WWOX: variants seen among roughly 807,000 people sequenced by gnomAD.
The protein encoded by WWOX is WW domain-containing oxidoreductase.
WWOX carries 69 observed loss-of-function variants against 46.2 expected under a neutral mutation model. The observed-to-expected ratio is 1.49, with a 90% CI of 1.23 to 1.82. WWOX has a LOEUF of 1.82. Among genes scored for constraint, WWOX ranks in the 40% most tolerant of loss-of-function variants. WWOX has a pLI of 0.00. For synonymous variants in WWOX, 359 were observed against 202.6 expected, an observed-to-expected ratio of 1.77 and a Z score of -6.56; for missense variants, 919 against 542.6, an observed-to-expected ratio of 1.69 and a Z score of -6.89.
rs535082715 is a variant in WWOX at position 79,167,159 on chromosome 16, C to T, written c.1057-44449C>T. Among the ~76,000 whole-genome samples the T allele has an allele frequency of 3.0e-4, 46 of 152,244 alleles. No individual in the cohort carries two copies. The South Asian group carries it at 9.1e-3, about 30-fold the overall frequency. On this transcript the variant is annotated intron_variant, in intron 8 of 8. Transcript: ENST00000566780. ...GTTTTGCCATGTTGGCCAAGCTGATCTGGAACTCATGTGCTCGAGCAATCC... is the reference window on the plus strand; with the variant it reads ...GTTTTGCCATGTTGGCCAAGCTGATTTGGAACTCATGTGCTCGAGCAATCC...
At chr16:78,270,897 C>T (rs1267792206) in intron 5 of WWOX, among the ~76,000 whole-genome samples, 3 of 152,182 alleles carry the variant, frequency 2.0e-5, no homozygotes, top group Non-Finnish European at 2.9e-5. Context: ...AGGTACTTAA[C>T]TATCTGGCCC....
At chr16:78,457,295 A>G (rs923742004) in intron 8 of WWOX, among the ~76,000 whole-genome samples, 1 of 152,210 alleles carries the variant, frequency 6.6e-6, no homozygotes, top group Non-Finnish European at 1.5e-5. Context: ...ACGACTTTAA[A>G]TAAAGCAGCA....
At chr16:78,667,047 C>G (rs564139197) in intron 8 of WWOX, among the ~76,000 whole-genome samples, 1 of 152,298 alleles carries the variant, frequency 6.6e-6, no homozygotes, top group African/African-American at 2.4e-5. Flanking sequence ...AAGTCTCTTA[C>G]ATAATGGTCA....
intron 8 of WWOX, among the ~76,000 whole-genome samples, chr16:78,649,372 G>A (rs965161096): frequency 6.6e-6 from 1 of 152,026 alleles, no homozygotes; most frequent in African/African-American, 2.4e-5. Context: ...CAGCCTGTAG[G>A]TCCCGGGCTC....
At chr16:78,880,027 A>G (rs1407169695) in intron 8 of WWOX, among the ~76,000 whole-genome samples, 1 of 152,228 alleles carries the variant, frequency 6.6e-6, no homozygotes, top group African/African-American at 2.4e-5. Context: ...TATAGTCAAA[A>G]GTAGATAAAG....
intron 8 of WWOX, among the ~76,000 whole-genome samples, chr16:79,008,280 GCT>G (rs1433315427): frequency 1.3e-5 from 2 of 152,150 alleles, no homozygotes; most frequent in South Asian, 2.1e-4. Context: ...GCTCCCCCAT[GCT>G]CTGAGTCACT....
intron 8 of WWOX, among the ~76,000 whole-genome samples, chr16:78,479,618 C>T (rs1483166217): frequency 2.0e-5 from 3 of 152,140 alleles, no homozygotes; most frequent in Admixed American, 6.5e-5. Context: ...TCACTGCTCT[C>T]GTTGCCTCCA....
chr16:79,172,624 GATC>G (rs2050722371), intron 8 of WWOX, among the ~76,000 whole-genome samples: 2 of 152,156 alleles, frequency 1.3e-5, no homozygotes, highest in Admixed American at 6.6e-5. Context: ...GGAATCTGGT[GATC>G]TCACTACCAA....
At chr16:78,709,246 C>G (rs760206595) in intron 8 of WWOX, among the ~76,000 whole-genome samples, 3 of 152,186 alleles carry the variant, frequency 2.0e-5, no homozygotes, top group Admixed American at 2.0e-4. Context: ...ATGCTTTTAT[C>G]CCGTAATCTC....
intron 8 of WWOX, among the ~76,000 whole-genome samples, chr16:79,121,356 A>G (rs189965143): frequency 6.6e-6 from 1 of 152,184 alleles, no homozygotes; most frequent in African/African-American, 2.4e-5. Context: ...GCTGCTGTGG[A>G]AAAAATTTTA....
intron 8 of WWOX, among the ~76,000 whole-genome samples, chr16:79,210,424 A>C (rs1274431078): frequency 6.6e-6 from 1 of 152,180 alleles, no homozygotes; most frequent in Non-Finnish European, 1.5e-5. Flanking sequence ...CATGGTCACA[A>C]TGTAAACCCT....
chr16:79,060,502 A>T (rs985810078), intron 8 of WWOX, among the ~76,000 whole-genome samples: 5 of 152,380 alleles, frequency 3.3e-5, no homozygotes, highest in African/African-American at 1.2e-4. Context: ...ATTTGTGCTT[A>T]GTAGCATCTT....
chr16:79,042,509 CATA>C (rs1567509373), intron 8 of WWOX, among the ~76,000 whole-genome samples: 1 of 152,158 alleles, frequency 6.6e-6, no homozygotes, highest in East Asian at 1.9e-4. Flanking sequence ...TGATAAAAAT[CATA>C]ATGTCTCAAA....
chr16:79,119,158 C>A (rs1397286365), intron 8 of WWOX, among the ~76,000 whole-genome samples: 1 of 151,386 alleles, frequency 6.6e-6, no homozygotes, highest in Admixed American at 6.6e-5. Context: ...GCACTGAAGT[C>A]CAGTTTCGTC....
At chr16:78,523,406 C>G (rs1471319519) in intron 8 of WWOX, among the ~76,000 whole-genome samples, 2 of 152,174 alleles carry the variant, frequency 1.3e-5, no homozygotes, top group East Asian at 3.9e-4. Context: ...GGAAGTAGTA[C>G]AGCTATCAGT....
intron 8 of WWOX, among the ~76,000 whole-genome samples, chr16:78,957,487 G>A (rs1447209552): frequency 6.6e-6 from 1 of 152,140 alleles, no homozygotes; most frequent in African/African-American, 2.4e-5. Context: ...TGTGTTTGGG[G>A]CTGAGACACC....
intron 8 of WWOX, among the ~76,000 whole-genome samples, chr16:78,502,029 C>T (rs529908074): frequency 3.9e-5 from 6 of 152,248 alleles, no homozygotes; most frequent in Admixed American, 6.5e-5. Context: ...AGAATTGTAT[C>T]GTAGCCTGAC....
At chr16:78,237,477 G>A (rs1220977288) in intron 5 of WWOX, 1 of 152,110 alleles carries the variant, frequency 6.6e-6, no homozygotes, top group Non-Finnish European at 1.5e-5. Context: ...GGAGCAGCCA[G>A]GCTCCTATCC....
intron 8 of WWOX, among the ~76,000 whole-genome samples, chr16:78,515,678 C>G (rs2043220240): frequency 1.3e-5 from 2 of 152,228 alleles, no homozygotes; most frequent in African/African-American, 4.8e-5. Context: ...GCAGCCGCTC[C>G]CTTCCACACC....
Sources: allele counts gnomAD v4.1 joint callset (sites outside exome capture counted in the v4.1 genomes callset), GRCh38; gene constraint gnomAD v4.1.1; transcripts MANE v1.5; gene names NCBI Gene and HGNC (gene_info 2026-07-23, HGNC 2026-07-21).